Variants in MIGA1 observed in about 807,000 individuals in gnomAD.
The protein encoded by MIGA1 is mitoguardin 1.
Under a neutral mutation model 82.0 loss-of-function variants are expected in MIGA1, and 58 were observed. That is an observed-to-expected ratio of 0.71 (90% CI 0.57 to 0.88). The LOEUF (loss-of-function observed/expected upper bound fraction) is 0.88. Ranked by LOEUF, MIGA1 falls within the 40% of genes least tolerant of loss-of-function variation. The pLI, the probability that MIGA1 is intolerant of heterozygous loss-of-function variation, is 0.00. For missense variants in MIGA1, 751 were observed against 749.1 expected, an observed-to-expected ratio of 1.00 and a Z score of -0.03; for synonymous variants, 249 against 253.6, an observed-to-expected ratio of 0.98 and a Z score of 0.17.
At chr1:77,837,662 T>C (rs1352191240) in intron 7 of MIGA1, among the ~76,000 whole-genome samples, 1 of 152,246 alleles carries the variant, frequency 6.6e-6, no homozygotes, top group African/African-American at 2.4e-5. Context: ...TCTATTGTTA[T>C]GATTAAATAG....
chr1:77,811,065 G>A, intron 5 of MIGA1: 2 of 1,613,422 alleles, frequency 1.2e-6, no homozygotes, highest in South Asian at 1.1e-5. Flanking sequence ...ATTCAAAGAA[G>A]ATAGCTGCAC....
At chr1:77,864,282 A>G (rs1685579964) in intron 13 of MIGA1, among the ~76,000 whole-genome samples, 1 of 151,776 alleles carries the variant, frequency 6.6e-6, no homozygotes, top group Non-Finnish European at 1.5e-5. Context: ...AGGCAGGAGA[A>G]TTGCTTGAAC....
chr1:77,785,361 GA>G (rs1224559784), intron 2 of MIGA1, among the ~76,000 whole-genome samples: 2 of 144,494 alleles, frequency 1.4e-5, no homozygotes, highest in Non-Finnish European at 3.0e-5. Flanking sequence ...TTTTTTTTTT[GA>G]GAGGGAGTTT....
intron 5 of MIGA1, 85 bp downstream of exon 5, chr1:77,807,186 G>GA: frequency 1.8e-6 from 2 of 1,083,660 alleles, no homozygotes; most frequent in Non-Finnish European, 2.7e-6. Flanking sequence ...GAGACAGACA[G>GA]GGTCTCACTC....
At chr1:77,831,528 T>G (rs1161980308) in intron 7 of MIGA1, among the ~76,000 whole-genome samples, 1 of 152,016 alleles carries the variant, frequency 6.6e-6, no homozygotes, top group African/African-American at 2.4e-5. Flanking sequence ...TAGGCTTCAG[T>G]TGGCCACAAC....
chr1:77,785,605 A>G (rs1274571178), intron 2 of MIGA1, among the ~76,000 whole-genome samples: 1 of 152,162 alleles, frequency 6.6e-6, no homozygotes. Flanking sequence ...GGCCTCCCAA[A>G]GTACTGGGAT....
At chr1:77,793,763 C>T (rs143679869) in intron 2 of MIGA1, among the ~76,000 whole-genome samples, 239 of 148,922 alleles carry the variant, frequency 1.6e-3, no homozygotes, top group African/African-American at 5.8e-3. Context: ...CTGTGCCTGG[C>T]TGCTTTACTA....
chr1:77,844,784 C>T (rs879397541), intron 8 of MIGA1, among the ~76,000 whole-genome samples: 1 of 152,076 alleles, frequency 6.6e-6, no homozygotes, highest in Non-Finnish European at 1.5e-5. Flanking sequence ...GAGGTTGAGA[C>T]CAGCCTGGTC....
chr1:77,869,433 G>A (rs1342547761), intron 14 of MIGA1, among the ~76,000 whole-genome samples: 1 of 146,136 alleles, frequency 6.8e-6, no homozygotes, highest in African/African-American at 2.5e-5. Context: ...TTGTCATCAT[G>A]GCCCATCCCC....
At chr1:77,788,471 CTT>C (rs1348725849) in intron 2 of MIGA1, among the ~76,000 whole-genome samples, 1 of 152,140 alleles carries the variant, frequency 6.6e-6, no homozygotes, top group Non-Finnish European at 1.5e-5. Flanking sequence ...TTGATGGTGT[CTT>C]TTGATGCACA....
intron 2 of MIGA1, 51 bp from the exon 3 acceptor site, chr1:77,801,280 A>T: frequency 7.2e-7 from 1 of 1,381,900 alleles, no homozygotes; most frequent in South Asian, 1.5e-5. Context: ...TCCTTCTTTT[A>T]AGTGAACAAA....
chr1:77,781,523 G>A (rs1029277177), intron 1 of MIGA1, among the ~76,000 whole-genome samples: 8 of 152,112 alleles, frequency 5.3e-5, no homozygotes, highest in African/African-American at 1.7e-4. Flanking sequence ...TAAAAATCAA[G>A]TATTACAAAC....
chr1:77,838,886 AGATT>A (rs2101878646), intron 7 of MIGA1, among the ~76,000 whole-genome samples: 1 of 152,350 alleles, frequency 6.6e-6, no homozygotes, highest in South Asian at 2.1e-4. Context: ...GCATATTGTT[AGATT>A]GATCCATGTT....
Position 77,875,136 on chromosome 1 carries a change from A to G in MIGA1, c.*72A>G. ...GGTAACTATTGATTTTGTAACATATATTACAAAGTTAACAGAATTGATGCA... is the reference window on the plus strand; with the variant it reads ...GGTAACTATTGATTTTGTAACATATGTTACAAAGTTAACAGAATTGATGCA... On this transcript the variant is annotated 3_prime_UTR_variant, in exon 16 of 16. Transcript: ENST00000370791. 2.4e-6 allele frequency: 3 copies of G among 1,240,428 alleles called. No homozygotes were observed. Among genetic ancestry groups the G allele is most frequent in the Non-Finnish European group, 3.5e-6 (3 of 869,472 alleles). 76.8% of individuals were successfully genotyped at this position (1,240,428 alleles called of 1,614,324 possible).
At chr1:77,859,948 A>G in intron 10 of MIGA1, 92 bp from the exon 11 acceptor site, 9 of 776,200 alleles carry the variant, frequency 1.2e-5, no homozygotes, top group Non-Finnish European at 1.9e-5. Context: ...GCAATGCATT[A>G]ACTGTTTTAG....
rs1348254468 is a variant in MIGA1, at chr1:77,811,441, G to A, written c.638-2293G>A. 4 of 1,552,160 alleles carry A rather than the reference G, an allele frequency of 2.6e-6. No individual in the cohort carries two copies. The African/African-American group carries it at 4.1e-5, about 16-fold the overall frequency. ...TGCCAAAATTCTTCTTAATGGGACA[G>A]GCTGAACATCAAATGGGAATTCTTT... On this transcript the variant is annotated intron_variant, in intron 5 of 15. Coordinates refer to ENST00000370791, the MANE Select transcript of MIGA1 (RefSeq NM_198549.4).
intron 7 of MIGA1, among the ~76,000 whole-genome samples, chr1:77,819,959 T>A (rs1683737347): frequency 6.6e-6 from 1 of 152,030 alleles, no homozygotes; most frequent in Non-Finnish European, 1.5e-5. Context: ...AATGGGAGGA[T>A]TAACTGTGAA....
intron 5 of MIGA1, chr1:77,810,784 G>T: frequency 2.7e-6 from 4 of 1,476,614 alleles, no homozygotes; most frequent in Non-Finnish European, 1.8e-6. Context: ...GTTGAAGGGT[G>T]AATATGCTAC....
intron 12 of MIGA1, among the ~76,000 whole-genome samples, chr1:77,862,492 C>T (rs1255813220): frequency 6.6e-6 from 1 of 151,966 alleles, no homozygotes. Context: ...GTGGCTCACG[C>T]CTGTAATCCC....
Sources: allele counts gnomAD v4.1 joint callset (sites outside exome capture counted in the v4.1 genomes callset), GRCh38; gene constraint gnomAD v4.1.1; transcripts MANE v1.5; gene names NCBI Gene and HGNC (gene_info 2026-07-23, HGNC 2026-07-21).